The following CHLSN variants were observed in gnomAD, a reference collection of about 807,000 sequenced individuals.
CHLSN encodes cholesin, also known as protein cholesin.
At chr7:1,037,059 C>A in the CHLSN span, among the ~76,000 whole-genome samples, 4 of 146,104 alleles carry the variant, frequency 2.7e-5, no homozygotes, top group East Asian at 7.8e-4. Flanking sequence ...TGCAGTGAGC[C>A]GAGATCACAC....
At chr7:1,065,344 C>T in the CHLSN span, among the ~76,000 whole-genome samples, 4 of 152,378 alleles carry the variant, frequency 2.6e-5, no homozygotes, top group East Asian at 7.7e-4. Flanking sequence ...GAACGGAAGT[C>T]CACACAAGCA....
chr7:1,119,828 G>C, the CHLSN span, among the ~76,000 whole-genome samples: 9 of 149,828 alleles, frequency 6.0e-5, no homozygotes, highest in South Asian at 1.9e-3. Context: ...GGTGAGCCGA[G>C]ATTGTGTCAC....
the CHLSN span, among the ~76,000 whole-genome samples, chr7:1,006,732 C>T: frequency 1.6e-5 from 2 of 122,198 alleles, no homozygotes; most frequent in Admixed American, 1.7e-4. Flanking sequence ...ACAGCGCAGA[C>T]AAAGAGCGCA....
chr7:1,117,474 T>G, the CHLSN span, among the ~76,000 whole-genome samples: 5 of 99,208 alleles, frequency 5.0e-5, no homozygotes, highest in South Asian at 3.8e-4. Flanking sequence ...ATCACTGCAG[T>G]TCTACGGACC....
At chr7:1,030,468 G>A in the CHLSN span, among the ~76,000 whole-genome samples, 2 of 152,176 alleles carry the variant, frequency 1.3e-5, no homozygotes, top group Admixed American at 6.5e-5. Flanking sequence ...GGATGGGGAC[G>A]TGGTGCCGGC....
chr7:1,057,575 G>A, the CHLSN span: 1 of 773,084 alleles, frequency 1.3e-6, no homozygotes, highest in Non-Finnish European at 2.4e-6. Flanking sequence ...CTGCCTGCCA[G>A]GACCTGCAGC....
the CHLSN span, among the ~76,000 whole-genome samples, chr7:1,133,641 C>T: frequency 6.6e-6 from 1 of 151,064 alleles, no homozygotes; most frequent in Non-Finnish European, 1.5e-5. Flanking sequence ...GTAGTCCCAA[C>T]TACTCGGGAG....
the CHLSN span, among the ~76,000 whole-genome samples, chr7:1,030,737 A>G: frequency 6.8e-6 from 1 of 145,992 alleles, no homozygotes; most frequent in Non-Finnish European, 1.5e-5. Flanking sequence ...GCAGGGGGGG[A>G]CTCTCTCTCT....
At chr7:1,136,370 A>ATATATAAACG in the CHLSN span, among the ~76,000 whole-genome samples, 4 of 30,716 alleles carry the variant, frequency 1.3e-4, no homozygotes, top group Non-Finnish European at 2.3e-4. Flanking sequence ...ATATATATAA[A>ATATATAAACG]TATATATAAA....
chr7:1,028,818 C>A, the CHLSN span: 5 of 575,316 alleles, frequency 8.7e-6, no homozygotes, highest in Non-Finnish European at 1.1e-5. Flanking sequence ...GACTCCATGG[C>A]CCCCATCTCC....
the CHLSN span, chr7:989,774 C>T: frequency 5.1e-6 from 1 of 197,716 alleles, no homozygotes; most frequent in Non-Finnish European, 1.1e-5. Flanking sequence ...AGCGAGATTC[C>T]ATCTCAAACA....
chr7:983,156 G>C, the CHLSN span: 145 of 1,392,168 alleles, frequency 1.0e-4, 2 homozygotes, highest in East Asian at 4.0e-3. Context: ...AGGCCTATAA[G>C]GGTGCGGGGG....
chr7:988,268 C>T, the CHLSN span: 1 of 1,555,120 alleles, frequency 6.4e-7, no homozygotes, highest in Non-Finnish European at 8.7e-7. Flanking sequence ...GCCCCGGCTG[C>T]CCCCACAGGG....
chr7:1,016,603 G>A, the CHLSN span, among the ~76,000 whole-genome samples: 20,361 of 67,898 alleles, frequency 0.3, 2,653 homozygotes, highest in Admixed American at 0.38. Context: ...ACACAGCAGC[G>A]TACAGCAGCG....
At chr7:1,034,444 G>A in the CHLSN span, among the ~76,000 whole-genome samples, 3 of 151,796 alleles carry the variant, frequency 2.0e-5, no homozygotes, top group African/African-American at 7.3e-5. Flanking sequence ...ATATGGAAAA[G>A]CAAAGTAACA....
chr7:983,520 C>T, the CHLSN span: 14 of 860,076 alleles, frequency 1.6e-5, no homozygotes, highest in Non-Finnish European at 2.1e-5. Context: ...CGCAGGAGGC[C>T]GGAGGGCCCA....
the CHLSN span, among the ~76,000 whole-genome samples, chr7:1,017,277 T>C: frequency 0.02 from 3,034 of 151,998 alleles, 83 homozygotes; most frequent in African/African-American, 0.069. Flanking sequence ...CCTGCTCAAA[T>C]TGGAGCTGCG....
the CHLSN span, among the ~76,000 whole-genome samples, chr7:1,082,435 T>C: frequency 1.3e-5 from 2 of 152,192 alleles, no homozygotes; most frequent in African/African-American, 4.8e-5. Flanking sequence ...TCATGGGCCG[T>C]TGGTCTGAGT....
the CHLSN span, among the ~76,000 whole-genome samples, chr7:1,070,163 T>C: frequency 9.8e-6 from 1 of 101,682 alleles, no homozygotes; most frequent in Non-Finnish European, 2.1e-5. Flanking sequence ...AGCTGCCCCG[T>C]CTGAGAAGTG....
Sources: gnomAD v4.1 joint callset for allele counts (sites outside exome capture counted in the v4.1 genomes callset) on GRCh38, gnomAD v4.1.1 for gene constraint, MANE v1.5 for transcripts, NCBI Gene and HGNC (gene_info 2026-07-23, HGNC 2026-07-21) for gene names.